Variants in C2orf42 observed in about 807,000 individuals in gnomAD.
The protein encoded by C2orf42 is chromosome 2 open reading frame 42, also known as uncharacterized protein C2orf42.
C2orf42 carries 44 observed loss-of-function variants against 58.9 expected under a neutral mutation model. The observed-to-expected ratio is 0.75, with a 90% CI of 0.59 to 0.96. The LOEUF is 0.96. Ranked by LOEUF, C2orf42 falls within the 40% of genes least tolerant of loss-of-function variation. The probability of loss-of-function intolerance (pLI) is 0.00; values close to 1 mark genes in which losing one functional copy is unlikely to be tolerated. For synonymous variants in C2orf42, 239 were observed against 265.4 expected (o/e 0.90, Z 0.97); for missense variants, 630 against 699.2 (o/e 0.90, Z 1.12).
At chr2:70,183,474 G>C (rs928589859) in intron 1 of C2orf42, among the ~76,000 whole-genome samples, 1 of 151,160 alleles carries the variant, frequency 6.6e-6, no homozygotes, top group Admixed American at 6.6e-5. Context: ...TGCTCACCCA[G>C]GCTGGAGTGC....
At chr2:70,186,787 G>A (rs1674965817) in intron 1 of C2orf42, among the ~76,000 whole-genome samples, 1 of 152,108 alleles carries the variant, frequency 6.6e-6, no homozygotes, top group Non-Finnish European at 1.5e-5. Context: ...AAAATGATGA[G>A]TTCATGTCCT....
rs1675214221 is a variant in C2orf42, at chr2:70,189,786, G to A, written c.-282+1187C>T. 2.6e-5 allele frequency among the ~76,000 whole-genome samples: 4 copies of A among 152,098 alleles called. No individual in the cohort carries two copies. The South Asian group carries it at 8.3e-4, about 32-fold the overall frequency. On this transcript the variant is annotated intron_variant, in intron 1 of 9. Transcript: ENST00000264434. ...TCACGCCTGTAATCCCAGCACTTTGGGAGGCTGAGGCGGGAGGATCACTGA... is the reference window on the plus strand; with the variant it reads ...TCACGCCTGTAATCCCAGCACTTTGAGAGGCTGAGGCGGGAGGATCACTGA...
At chr2:70,158,761 T>G (rs1413008740) in intron 9 of C2orf42, among the ~76,000 whole-genome samples, 1 of 151,286 alleles carries the variant, frequency 6.6e-6, no homozygotes, top group Non-Finnish European at 1.5e-5. Context: ...CCTGGCTAAT[T>G]TTTGTATTTT....
chr2:70,150,093 C>A lies in C2orf42; in HGVS notation c.*263G>T. On this transcript the variant is annotated 3_prime_UTR_variant, in exon 10 of 10. Coordinates refer to ENST00000264434, the MANE Select transcript of C2orf42 (RefSeq NM_017880.3). Reference sequence around the variant, plus strand: ...ATGAGTCCGTAAGAAGGAAAATAAGCTGGTTTTCTTTCTGTTCCTTTTAAA... The same window carrying A: ...ATGAGTCCGTAAGAAGGAAAATAAGATGGTTTTCTTTCTGTTCCTTTTAAA... The A allele has an allele frequency of 2.0e-6, 1 of 498,282 alleles. No individual in the cohort carries two copies. The highest frequency in any genetic ancestry group is 3.6e-6 in the Non-Finnish European group (1 of 276,958). 30.9% of individuals were successfully genotyped at this position (498,282 alleles called of 1,614,324 possible).
Position 70,169,666 on chromosome 2 carries a change from G to GA in C2orf42, c.1040-6_1040-5insT. 6.7e-7 allele frequency: 1 copy of GA among 1,500,314 alleles called. No homozygotes were observed. Among genetic ancestry groups the GA allele is most frequent in the Non-Finnish European group, 9.3e-7 (1 of 1,079,752 alleles). 92.9% of individuals were successfully genotyped at this position (1,500,314 alleles called of 1,614,324 possible). The stretch of plus-strand genomic sequence containing the variant: ...CATCTAACAGCTGACCACAGGCTAG[G>GA]GAAAAAAAAACCACACATACACACT... On this transcript the variant is annotated splice_region_variant and splice_polypyrimidine_tract_variant and intron_variant, in intron 5 of 9. Coordinates refer to ENST00000264434, the MANE Select transcript of C2orf42 (RefSeq NM_017880.3).
intron 1 of C2orf42, chr2:70,190,052 A>G (rs1675244366): frequency 6.6e-6 from 1 of 152,222 alleles, no homozygotes; most frequent in Admixed American, 6.6e-5. Context: ...AGAAGTTAGG[A>G]GGGAGACTTA....
At chr2:70,190,619 C>T (rs1286907936) in intron 1 of C2orf42, 1 of 152,192 alleles carries the variant, frequency 6.6e-6, no homozygotes, top group African/African-American at 2.4e-5. Flanking sequence ...CCTCAACGGC[C>T]TCGGAACAGC....
intron 8 of C2orf42, among the ~76,000 whole-genome samples, chr2:70,161,561 C>T (rs1282813188): frequency 1.3e-5 from 2 of 152,098 alleles, no homozygotes; most frequent in Non-Finnish European, 2.9e-5. Flanking sequence ...GGCAAGGTCG[C>T]TAGGAGTGGT....
intron 4 of C2orf42, among the ~76,000 whole-genome samples, chr2:70,178,905 A>G (rs889788555): frequency 2.0e-5 from 3 of 151,654 alleles, no homozygotes; most frequent in African/African-American, 7.3e-5. Context: ...AGCCTGGGCG[A>G]CAGAGCAAGA....
intron 1 of C2orf42, among the ~76,000 whole-genome samples, chr2:70,184,291 A>C (rs1674778344): frequency 6.6e-6 from 1 of 151,900 alleles, no homozygotes; most frequent in Non-Finnish European, 1.5e-5. Flanking sequence ...CAGTGACGTG[A>C]TCTCGATTCA....
At chr2:70,175,499 T>C (rs1674126702) in intron 5 of C2orf42, among the ~76,000 whole-genome samples, 174 bp downstream of exon 5, 1 of 152,220 alleles carries the variant, frequency 6.6e-6, no homozygotes, top group Non-Finnish European at 1.5e-5. Flanking sequence ...TCCAGCATAA[T>C]TTAGCTTTGA....
At position 70,150,291 on chromosome 2, in the gene C2orf42, T is replaced by C; in HGVS notation, c.*65A>G. ...GGGCCATCTAAGTGCCTAACTAGCA[T>C]TTAAAGTTGTCAAGGGGTGGGGATG... On this transcript the variant is annotated 3_prime_UTR_variant, in exon 10 of 10. Transcript: ENST00000264434. 1.4e-6 allele frequency: 2 copies of C among 1,409,764 alleles called. No individual in the cohort carries two copies. Among genetic ancestry groups the C allele is most frequent in the Non-Finnish European group, 2.0e-6 (2 of 1,003,922 alleles). The allele number at this position is 1,409,764 out of a possible 1,614,324, so 87.3% of individuals were successfully genotyped here.
intron 8 of C2orf42, among the ~76,000 whole-genome samples, chr2:70,162,608 A>T (rs910496363): frequency 6.6e-6 from 1 of 151,796 alleles, no homozygotes; most frequent in Non-Finnish European, 1.5e-5. Flanking sequence ...TGTGCCCTGC[A>T]TTCCAGCCTA....
chr2:70,161,840 C>CA (rs1172754744), intron 8 of C2orf42, among the ~76,000 whole-genome samples: 2,470 of 77,336 alleles, frequency 0.032, 200 homozygotes, highest in Admixed American at 0.2. Context: ...AAGTCCGTGT[C>CA]AAAAAAAAAA....
intron 6 of C2orf42, among the ~76,000 whole-genome samples, chr2:70,168,052 G>A (rs946002882): frequency 6.6e-6 from 1 of 151,870 alleles, no homozygotes; most frequent in African/African-American, 2.4e-5. Context: ...GGTTAACATG[G>A]TGAAACCCCA....
At chr2:70,159,968 G>A (rs1335986130) in intron 9 of C2orf42, among the ~76,000 whole-genome samples, 1 of 151,858 alleles carries the variant, frequency 6.6e-6, no homozygotes, top group East Asian at 1.9e-4. Flanking sequence ...CACAAGAGCA[G>A]CAAAAAAATA....
rs1203081110 is a variant in C2orf42, at chr2:70,182,895, C to T, written c.-241G>A. On this transcript the variant is annotated 5_prime_UTR_variant, in exon 2 of 10. Coordinates refer to ENST00000264434, the MANE Select transcript of C2orf42 (RefSeq NM_017880.3). ...GGCAAAGCTTCTGCCCAATGTTCCG[C>T]AAATAAGATTCCCACTTCCCTAAGT... 3 of 152,168 alleles carry T rather than the reference C, an allele frequency of 2.0e-5. No individual in the cohort carries two copies. Among genetic ancestry groups the T allele is most frequent in the Admixed American group, 6.6e-5 (1 of 15,262 alleles). The allele number at this position is 152,168 out of a possible 1,614,324, so 9.4% of individuals were successfully genotyped here.
intron 8 of C2orf42, among the ~76,000 whole-genome samples, chr2:70,162,465 T>A (rs566552990): frequency 6.6e-6 from 1 of 151,814 alleles, no homozygotes; most frequent in African/African-American, 2.4e-5. Flanking sequence ...CTGGTCAACA[T>A]GGTGAAAGCC....
Position 70,181,893 on chromosome 2 carries a change from A to G in C2orf42, c.93T>C (p.Cys31=), listed in dbSNP as rs780606299. The G allele has an allele frequency of 6.2e-7, 1 of 1,613,868 alleles. No homozygotes were observed. The highest frequency in any genetic ancestry group is 8.5e-7 in the Non-Finnish European group (1 of 1,179,756). Residue 31 remains cysteine (C), a synonymous_variant, in exon 3 of 10, where the codon TGT becomes TGC. Coordinates refer to ENST00000264434, the MANE Select transcript of C2orf42 (RefSeq NM_017880.3). ...TLRGIRKCPR[C]GTYNGTRGLS... ...GTCCCCGGGTTCCATTGTATGTGCCACATCGGGGACACTTTCTGATTCCCC... is the reference window on the plus strand; with the variant it reads ...GTCCCCGGGTTCCATTGTATGTGCCGCATCGGGGACACTTTCTGATTCCCC...
Sources: gnomAD v4.1 joint callset for allele counts (sites outside exome capture counted in the v4.1 genomes callset) on GRCh38, gnomAD v4.1.1 for gene constraint, MANE v1.5 for transcripts, NCBI Gene and HGNC (gene_info 2026-07-23, HGNC 2026-07-21) for gene names.